The following GRID1 variants were observed in gnomAD, a reference collection of about 807,000 sequenced individuals.
GRID1 encodes the protein glutamate receptor ionotropic, delta-1.
GRID1 carries 28 observed loss-of-function variants against 98.0 expected under a neutral mutation model. The observed-to-expected ratio is 0.29, with a 90% CI of 0.21 to 0.39. The LOEUF (loss-of-function observed/expected upper bound fraction) is 0.39, where lower values mean the gene tolerates loss of function less well. Ranked by LOEUF, GRID1 falls within the 10% of genes least tolerant of loss-of-function variation. The pLI, the probability that GRID1 is intolerant of heterozygous loss-of-function variation, is 1.00. For missense variants in GRID1, 1,111 were observed against 1,340.5 expected (o/e 0.83, Z 2.67); for synonymous variants, 553 against 538.5 (o/e 1.03, Z -0.37).
chr10:86,080,868 C>T (rs1289903612), intron 4 of GRID1, among the ~76,000 whole-genome samples: 1 of 152,200 alleles, frequency 6.6e-6, no homozygotes, highest in African/African-American at 2.4e-5. Context: ...AGGGTATCTA[C>T]ACACCAACTC....
chr10:85,935,613 C>T (rs1316080740), intron 4 of GRID1, among the ~76,000 whole-genome samples: 2 of 152,182 alleles, frequency 1.3e-5, no homozygotes, highest in African/African-American at 4.8e-5. Flanking sequence ...GGCAAAAGAG[C>T]CATGGGGACA....
chr10:86,162,154 T>C (rs146896745), intron 3 of GRID1, among the ~76,000 whole-genome samples: 1 of 152,102 alleles, frequency 6.6e-6, no homozygotes, highest in East Asian at 1.9e-4. Flanking sequence ...TGTCCTGGGG[T>C]TAGTAATTTA....
At position 85,940,306 on chromosome 10, in the gene GRID1, G is replaced by A. The variant is rs530480054; in HGVS notation, c.727-24067C>T. On this transcript the variant is annotated intron_variant, in intron 4 of 15. Coordinates refer to ENST00000327946, the MANE Select transcript of GRID1 (RefSeq NM_017551.3). Reference sequence around the variant, plus strand: ...TTACCTTCTCTGTCTGGCCCACAGAGGCAGCTGAGTTTCTAACCCATGTGT... The same window carrying A: ...TTACCTTCTCTGTCTGGCCCACAGAAGCAGCTGAGTTTCTAACCCATGTGT... Among the ~76,000 whole-genome samples, 90 of 152,262 alleles carry A rather than the reference G, an allele frequency of 5.9e-4. 1 individual carries two copies. Among genetic ancestry groups the A allele is most frequent in the Middle Eastern group, 6.8e-3 (2 of 294 alleles).
At chr10:85,816,012 A>G (rs1343593679) in intron 8 of GRID1, among the ~76,000 whole-genome samples, 1 of 152,104 alleles carries the variant, frequency 6.6e-6, no homozygotes, top group East Asian at 1.9e-4. Context: ...TTATGATAAT[A>G]AATTGGCAGC....
chr10:85,767,148 AG>A (rs1200945337), intron 8 of GRID1, among the ~76,000 whole-genome samples: 1 of 152,218 alleles, frequency 6.6e-6, no homozygotes, highest in East Asian at 1.9e-4. Flanking sequence ...TGGGCCACTC[AG>A]GCACAGCTAT....
At chr10:86,091,747 C>G (rs1178017914) in intron 4 of GRID1, among the ~76,000 whole-genome samples, 1 of 152,180 alleles carries the variant, frequency 6.6e-6, no homozygotes, top group Non-Finnish European at 1.5e-5. Context: ...CCCTCTGCCA[C>G]CTCCACCAGA....
intron 8 of GRID1, among the ~76,000 whole-genome samples, chr10:85,760,046 T>C (rs1426025075): frequency 6.6e-6 from 1 of 152,194 alleles, no homozygotes; most frequent in East Asian, 1.9e-4. Context: ...AGTGGGGCTC[T>C]TGATGGTAAC....
chr10:86,006,900 C>T lies in GRID1; in HGVS notation c.727-90661G>A, dbSNP rs562368345. On this transcript the variant is annotated intron_variant, in intron 4 of 15. Transcript: ENST00000327946. ...GGATGTAGGAGGCAGGGGAAGCTGG[C>T]GGTGGTGGGGTTATGAAGCTGTGAT... 3.5e-3 allele frequency among the ~76,000 whole-genome samples: 524 copies of T among 151,666 alleles called. 3 individuals are homozygous for T. Among genetic ancestry groups the T allele is most frequent in the African/African-American group, 0.012 (488 of 41,314 alleles).
At chr10:86,296,091 C>T (rs1356207360) in intron 2 of GRID1, among the ~76,000 whole-genome samples, 2 of 152,246 alleles carry the variant, frequency 1.3e-5, no homozygotes, top group Non-Finnish European at 2.9e-5. Context: ...ACTACAGTGG[C>T]TCCCACACCA....
intron 4 of GRID1, among the ~76,000 whole-genome samples, chr10:86,041,756 G>C (rs930666742): frequency 2.0e-5 from 3 of 152,230 alleles, no homozygotes; most frequent in African/African-American, 4.8e-5. Flanking sequence ...TGTGACCCAA[G>C]AGTCACTATG....
chr10:85,848,931 C>T (rs376158136), intron 8 of GRID1, among the ~76,000 whole-genome samples: 16 of 152,270 alleles, frequency 1.1e-4, no homozygotes, highest in East Asian at 7.7e-4. Flanking sequence ...GTTTATTTCT[C>T]TTCTGCGACT....
intron 4 of GRID1, among the ~76,000 whole-genome samples, chr10:85,969,002 T>C (rs982308196): frequency 6.6e-6 from 1 of 152,216 alleles, no homozygotes; most frequent in Non-Finnish European, 1.5e-5. Flanking sequence ...TGGGAAAATA[T>C]GTACCATACA....
At chr10:85,824,450 G>A (rs1263597251) in intron 8 of GRID1, among the ~76,000 whole-genome samples, 1 of 152,210 alleles carries the variant, frequency 6.6e-6, no homozygotes, top group Non-Finnish European at 1.5e-5. Context: ...GGCCTTAAGT[G>A]ATCTGCCCGC....
chr10:85,606,906 G>T (rs1381342830), intron 15 of GRID1: 1 of 152,140 alleles, frequency 6.6e-6, no homozygotes, highest in Non-Finnish European at 1.5e-5. Flanking sequence ...CAAGGTTTCG[G>T]TATTCGGCCA....
At chr10:85,788,427 G>C (rs369687173) in intron 8 of GRID1, among the ~76,000 whole-genome samples, 1 of 152,106 alleles carries the variant, frequency 6.6e-6, no homozygotes. Context: ...TAAAGAGTGG[G>C]GTCCCCATTA....
At chr10:86,228,255 G>C (rs1055894709) in intron 2 of GRID1, among the ~76,000 whole-genome samples, 2 of 147,484 alleles carry the variant, frequency 1.4e-5, no homozygotes, top group African/African-American at 5.1e-5. Context: ...ATGGAGGGGT[G>C]GGGGAGAGGA....
chr10:86,076,111 T>A lies in GRID1; in HGVS notation c.726+62708A>T, dbSNP rs1479037027. ...GAAAGGCTCACCTATTCTCAACTTG[T>A]TATTAGCTGCCACAAGTTCTATCAG... On this transcript the variant is annotated intron_variant, in intron 4 of 15. Transcript: ENST00000327946. Among the ~76,000 whole-genome samples the A allele has an allele frequency of 2.0e-5, 3 of 152,222 alleles. No homozygotes were observed. The East Asian group carries it at 5.8e-4, about 29-fold the overall frequency.
chr10:86,187,264 T>C (rs186818395), intron 3 of GRID1, among the ~76,000 whole-genome samples: 4 of 152,350 alleles, frequency 2.6e-5, no homozygotes, highest in African/African-American at 7.2e-5. Context: ...AAGCATCTGA[T>C]AAGCACTTTC....
chr10:86,056,463 T>G (rs1450584431), intron 4 of GRID1, among the ~76,000 whole-genome samples: 2 of 152,188 alleles, frequency 1.3e-5, no homozygotes, highest in African/African-American at 4.8e-5. Context: ...CCAACCCGTG[T>G]CCCAAGGGTG....
Sources: allele counts gnomAD v4.1 joint callset (sites outside exome capture counted in the v4.1 genomes callset), GRCh38; gene constraint gnomAD v4.1.1; transcripts MANE v1.5; gene names NCBI Gene and HGNC (gene_info 2026-07-23, HGNC 2026-07-21).